PBX4: variants seen among roughly 807,000 people sequenced by gnomAD.
PBX4 encodes pre-B-cell leukemia transcription factor 4.
In PBX4, 26 loss-of-function variants were observed where a neutral mutation model predicts 35.1. The observed-to-expected ratio is 0.74, with a 90% CI of 0.54 to 1.03. The LOEUF (loss-of-function observed/expected upper bound fraction) is 1.03. Among genes scored for constraint, PBX4 ranks in the 50% least tolerant of loss-of-function variants. The pLI is 0.00. For synonymous variants in PBX4, 199 were observed against 204.2 expected (o/e 0.97, Z 0.22); for missense variants, 448 against 504.3 (o/e 0.89, Z 1.07).
At position 19,570,164 on chromosome 19, in the gene PBX4, T is replaced by G. The variant is rs751419097; in HGVS notation, c.577A>C (p.Lys193Gln). Residue 193 changes from lysine to glutamine, a missense_variant, in exon 4 of 8, where the codon AAG becomes CAG. Physicochemically the swap from Lys to Gln is moderately conservative, Grantham distance 53 (BLOSUM62 1). Coordinates refer to ENST00000251203, the MANE Select transcript of PBX4 (RefSeq NM_025245.3). ...GKFSAIQMQL[K>Q]QSTCEAVMTL... ...ATCACTGCCTCACAGGTGCTCTGCT[T>G]CAACTGCATCTGGATGGCGCTGAAC... is the stretch of plus-strand genomic sequence containing the variant. 2 of 1,613,904 alleles carry G rather than the reference T, an allele frequency of 1.2e-6. No homozygotes were observed. Among genetic ancestry groups the G allele is most frequent in the Non-Finnish European group, 1.7e-6 (2 of 1,179,954 alleles).
Position 19,569,649 on chromosome 19 carries a change from G to C in PBX4, c.633-65C>G, listed in dbSNP as rs1600397862. 10 of 1,550,796 alleles carry C rather than the reference G, an allele frequency of 6.4e-6. No homozygotes were observed. In the East Asian group the frequency reaches 2.3e-4, roughly 36 times the overall value. The stretch of plus-strand genomic sequence containing the variant: ...GACTCCAGTACCACCCCCACCTCTA[G>C]TTCTGAGTATGATTTTCCAGTAGTT... On this transcript the variant is annotated intron_variant, in intron 4 of 7. Coordinates refer to ENST00000251203, the MANE Select transcript of PBX4 (RefSeq NM_025245.3).
intron 2 of PBX4, among the ~76,000 whole-genome samples, chr19:19,593,367 G>T (rs1222528772): frequency 6.6e-6 from 1 of 152,342 alleles, no homozygotes; most frequent in Non-Finnish European, 1.5e-5. Context: ...GCGGCCCGTG[G>T]GTACCACAGG....
intron 1 of PBX4, among the ~76,000 whole-genome samples, chr19:19,615,036 A>G (rs529856317): frequency 1.3e-5 from 2 of 151,772 alleles, no homozygotes; most frequent in South Asian, 4.2e-4. Context: ...GTAGTGGCAC[A>G]CGCCTGTAAT....
Position 19,563,360 on chromosome 19 carries a change from G to A in PBX4, c.1032+149C>T, listed in dbSNP as rs973336285. 6.6e-6 allele frequency: 4 copies of A among 604,432 alleles called. No homozygotes were observed. The highest frequency in any genetic ancestry group is 5.9e-5 in the East Asian group (2 of 34,120). The allele number at this position is 604,432 out of a possible 1,614,324, so 37.4% of individuals were successfully genotyped here. On this transcript the variant is annotated intron_variant, in intron 7 of 7. Coordinates refer to ENST00000251203, the MANE Select transcript of PBX4 (RefSeq NM_025245.3). This position sits in a 1 kb window ranked among gnomAD's most constrained non-coding sequence, Gnocchi z 5.1. ...TTACAGAGTGGGGCCCTGCAGAGCT[G>A]TGCCCCAGAGGTGGCCGCGCAGCAT... is the stretch of plus-strand genomic sequence containing the variant.
intron 2 of PBX4, among the ~76,000 whole-genome samples, chr19:19,598,699 CT>C (rs900441734): frequency 2.6e-5 from 4 of 152,062 alleles, no homozygotes; most frequent in African/African-American, 4.8e-5. Context: ...AATGCAGCTG[CT>C]TGTTACTGAT....
chr19:19,573,058 C>A (rs2061395544), intron 2 of PBX4, among the ~76,000 whole-genome samples: 1 of 151,908 alleles, frequency 6.6e-6, no homozygotes, highest in African/African-American at 2.4e-5. Flanking sequence ...GTAATCCCAG[C>A]ACTTTGGGAG....
At chr19:19,583,138 C>T (rs772146966) in intron 2 of PBX4, among the ~76,000 whole-genome samples, 5 of 151,832 alleles carry the variant, frequency 3.3e-5, no homozygotes, top group African/African-American at 9.7e-5. Context: ...ACCAACATGG[C>T]GAAACCCCGT....
intron 1 of PBX4, among the ~76,000 whole-genome samples, chr19:19,607,233 T>C (rs1426423712): frequency 1.3e-5 from 2 of 152,038 alleles, no homozygotes; most frequent in African/African-American, 4.8e-5. Context: ...TTTATATTTT[T>C]AGTAAAGGCG....
At chr19:19,568,082 C>CTA (rs1232554592) in intron 5 of PBX4, among the ~76,000 whole-genome samples, 1 of 150,986 alleles carries the variant, frequency 6.6e-6, no homozygotes, top group Non-Finnish European at 1.5e-5. Flanking sequence ...AGCTCACACT[C>CTA]TATCTGTAAC....
chr19:19,589,217 A>G (rs1182814479), intron 2 of PBX4, among the ~76,000 whole-genome samples: 1 of 149,490 alleles, frequency 6.7e-6, no homozygotes, highest in Non-Finnish European at 1.5e-5. Context: ...TCACGAGGTC[A>G]GGAGATCGAG....
Position 19,562,085 on chromosome 19 carries a change from T to C in PBX4, c.1065A>G (p.Gln355=), listed in dbSNP as rs1299457982. The change falls in exon 8 of 8, where the codon CAA becomes CAG. Residue 355 remains glutamine, a synonymous_variant. Coordinates refer to ENST00000251203, the MANE Select transcript of PBX4 (RefSeq NM_025245.3). This position sits in a 1 kb window ranked among gnomAD's most constrained non-coding sequence, Gnocchi z 4.8. Reference sequence around the variant, plus strand: ...CTCCAGCAGGTGAGGCAGTTGCAGGTTGGGGGGTGGCCCCCTGCCAGCTAC... The same window carrying C: ...CTCCAGCAGGTGAGGCAGTTGCAGGCTGGGGGGTGGCCCCCTGCCAGCTAC... The part of the protein sequence containing the change: ...AQGSWQGATP[Q]PATASPAGDP... 6.2e-7 allele frequency: 1 copy of C among 1,612,590 alleles called. No individual in the cohort carries two copies. The highest frequency in any genetic ancestry group is 1.3e-5 in the African/African-American group (1 of 74,918).
chr19:19,607,890 C>T (rs1223408913), intron 1 of PBX4, among the ~76,000 whole-genome samples: 1 of 152,144 alleles, frequency 6.6e-6, no homozygotes, highest in African/African-American at 2.4e-5. Context: ...TTCCTGAAAG[C>T]AACAATGATT....
chr19:19,599,850 G>A (rs1281018711), intron 1 of PBX4, among the ~76,000 whole-genome samples: 4 of 145,604 alleles, frequency 2.7e-5, no homozygotes, highest in Non-Finnish European at 6.2e-5. Context: ...GTGCCCACCT[G>A]TAATCCCAGT....
At chr19:19,586,012 A>G (rs1451262321) in intron 2 of PBX4, among the ~76,000 whole-genome samples, 1 of 152,240 alleles carries the variant, frequency 6.6e-6, no homozygotes, top group African/African-American at 2.4e-5. Flanking sequence ...AAATATGCAA[A>G]TTAATTTCAT....
chr19:19,583,671 C>T (rs992743665), intron 2 of PBX4, among the ~76,000 whole-genome samples: 9 of 152,078 alleles, frequency 5.9e-5, no homozygotes, highest in African/African-American at 1.9e-4. Flanking sequence ...CAAACCTGGT[C>T]AGGCACGGTA....
chr19:19,605,446 T>TAATAATAATAATAAC (rs777835008), intron 1 of PBX4, among the ~76,000 whole-genome samples: 31 of 99,978 alleles, frequency 3.1e-4, no homozygotes, highest in Non-Finnish European at 7.7e-4. Context: ...ATAATAATAA[T>TAATAATAATAATAAC]AACAATAATA....
intron 2 of PBX4, among the ~76,000 whole-genome samples, chr19:19,578,608 C>G (rs1241187124): frequency 6.6e-6 from 1 of 152,236 alleles, no homozygotes; most frequent in East Asian, 1.9e-4. Context: ...AGGTACCCCC[C>G]TCCTCAAACT....
intron 2 of PBX4, among the ~76,000 whole-genome samples, chr19:19,585,881 T>C (rs1053764016): frequency 1.3e-5 from 2 of 152,180 alleles, no homozygotes; most frequent in Admixed American, 6.5e-5. Context: ...TTGCTGACTC[T>C]CTTTTTGGAC....
At position 19,596,206 on chromosome 19, in the gene PBX4, A is replaced by G. The variant is rs144056504; in HGVS notation, c.193+3086T>C. Among the ~76,000 whole-genome samples the G allele has an allele frequency of 3.7e-3, 559 of 152,188 alleles. 3 individuals carry two copies. The highest frequency in any genetic ancestry group is 0.013 in the African/African-American group (539 of 41,524). ...CAGGAGTTTGAGACGAGTCTGGCCA[A>G]CATGATGAAACCCTGTCTCTACTAA... On this transcript the variant is annotated intron_variant, in intron 2 of 7. Transcript: ENST00000251203.
Sources: gnomAD v4.1 joint callset for allele counts (sites outside exome capture counted in the v4.1 genomes callset) on GRCh38, gnomAD v4.1.1 for gene constraint, Gnocchi (gnomAD v3.1) non-coding constraint, MANE v1.5 for transcripts, NCBI Gene and HGNC (gene_info 2026-07-23, HGNC 2026-07-21) for gene names.